Variants in RNF150 observed in about 807,000 individuals in gnomAD.
The protein encoded by RNF150 is ring finger protein 150.
RNF150 carries 24 observed loss-of-function variants against 39.3 expected under a neutral mutation model. The ratio of observed to expected loss-of-function variants is 0.61; its 90% confidence interval spans 0.44 to 0.86. The LOEUF is 0.86. Ranked by LOEUF, RNF150 falls within the 40% of genes least tolerant of loss-of-function variation. RNF150 has a pLI of 0.00. For missense variants in RNF150, 502 were observed against 587.8 expected, an observed-to-expected ratio of 0.85 and a Z score of 1.51; for synonymous variants, 255 against 227.3, an observed-to-expected ratio of 1.12 and a Z score of -1.10.
chr4:140,918,757 C>G (rs1271791361), intron 5 of RNF150, among the ~76,000 whole-genome samples: 1 of 152,030 alleles, frequency 6.6e-6, no homozygotes, highest in East Asian at 1.9e-4. Context: ...GACCAATATC[C>G]TTGACGAAAA....
At chr4:141,114,555 G>A (rs1739487429) in intron 1 of RNF150, among the ~76,000 whole-genome samples, 1 of 152,142 alleles carries the variant, frequency 6.6e-6, no homozygotes, top group African/African-American at 2.4e-5. Flanking sequence ...CGGATTCACA[G>A]CCAAATTCAC....
At chr4:141,082,450 A>G (rs1159300040) in intron 1 of RNF150, among the ~76,000 whole-genome samples, 1 of 152,194 alleles carries the variant, frequency 6.6e-6, no homozygotes, top group Admixed American at 6.5e-5. Flanking sequence ...TCTGGTCTTC[A>G]TTTCCTGAGA....
intron 1 of RNF150, among the ~76,000 whole-genome samples, chr4:140,973,175 T>C (rs1027648242): frequency 2.0e-5 from 3 of 152,168 alleles, no homozygotes; most frequent in African/African-American, 7.2e-5. Context: ...CTTAAATATA[T>C]ACAATTTAAT....
At chr4:140,913,507 T>C (rs1730698656) in intron 5 of RNF150, among the ~76,000 whole-genome samples, 1 of 152,162 alleles carries the variant, frequency 6.6e-6, no homozygotes, top group Admixed American at 6.5e-5. Flanking sequence ...CTTTTTCCTA[T>C]CTCAAGGTCT....
intron 1 of RNF150, among the ~76,000 whole-genome samples, chr4:141,167,862 C>G (rs1170191022): frequency 6.6e-6 from 1 of 152,132 alleles, no homozygotes; most frequent in Non-Finnish European, 1.5e-5. Flanking sequence ...CTAGGAAATA[C>G]CATTCAGGAC....
chr4:141,032,257 G>A (rs1404148350), intron 1 of RNF150, among the ~76,000 whole-genome samples: 2 of 152,076 alleles, frequency 1.3e-5, no homozygotes, highest in Admixed American at 6.6e-5. Flanking sequence ...GCAGAGAGTC[G>A]AATGATGGTG....
intron 1 of RNF150, among the ~76,000 whole-genome samples, chr4:141,115,994 A>T (rs902016927): frequency 6.6e-6 from 1 of 152,234 alleles, no homozygotes; most frequent in South Asian, 2.1e-4. Context: ...AATTAACTCA[A>T]GATGGATTAC....
At chr4:141,193,846 C>G (rs1380594307) in intron 1 of RNF150, among the ~76,000 whole-genome samples, 1 of 152,184 alleles carries the variant, frequency 6.6e-6, no homozygotes, top group Non-Finnish European at 1.5e-5. Flanking sequence ...TGGATAAGCA[C>G]AAGCTGGCTA....
intron 1 of RNF150, among the ~76,000 whole-genome samples, chr4:141,193,826 T>C (rs1728155339): frequency 6.6e-6 from 1 of 152,150 alleles, no homozygotes; most frequent in African/African-American, 2.4e-5. Flanking sequence ...GTCAGTGAAT[T>C]CTCTATTTAT....
chr4:140,949,343 G>A lies in RNF150; in HGVS notation c.765C>T (p.Ala255=), dbSNP rs750844900. 3 of 1,612,982 alleles carry A rather than the reference G, an allele frequency of 1.9e-6. No individual in the cohort carries two copies. Among genetic ancestry groups the A allele is most frequent in the South Asian group, 2.2e-5 (2 of 90,752 alleles). The change falls in exon 3 of 7, where the codon GCC becomes GCT. Residue 255 remains alanine (A), a synonymous_variant. Transcript: ENST00000515673. ...TGGTCCTGATCTGGAGTTTGCTGAT[G>A]GCTTTCTTTGCTGCATCCCCCAGTC... ...QRRLGDAAKK[A]ISKLQIRTIK...
intron 1 of RNF150, among the ~76,000 whole-genome samples, chr4:141,020,594 C>G (rs1386181152): frequency 1.3e-5 from 2 of 152,060 alleles, no homozygotes; most frequent in Non-Finnish European, 2.9e-5. Context: ...CCTAGAGGAC[C>G]TAAAAAAAGG....
chr4:140,916,285 TA>T (rs1288952061), intron 5 of RNF150, among the ~76,000 whole-genome samples: 1 of 152,138 alleles, frequency 6.6e-6, no homozygotes, highest in Non-Finnish European at 1.5e-5. Context: ...GCAAAGAAGT[TA>T]AAAACTTTGA....
chr4:140,987,158 G>A (rs1176879582), intron 1 of RNF150, among the ~76,000 whole-genome samples: 3 of 152,018 alleles, frequency 2.0e-5, no homozygotes, highest in Admixed American at 1.3e-4. Context: ...ACATGAATTG[G>A]AAGAATTAAT....
In RNF150 at chr4:140,860,774, T is replaced by C. The variant is rs1728455827; in HGVS notation, c.*7487A>G. The C allele has an allele frequency of 6.6e-6, 1 of 152,198 alleles. No homozygotes were observed. The highest frequency in any genetic ancestry group is 2.4e-5 in the African/African-American group (1 of 41,444). 9.4% of individuals were successfully genotyped at this position (152,198 alleles called of 1,614,324 possible). A position where few individuals can be genotyped will look rare whatever the true frequency, so the allele number is the denominator to read the frequency against. On this transcript the variant is annotated 3_prime_UTR_variant, in exon 7 of 7. Coordinates refer to ENST00000515673, the MANE Select transcript of RNF150 (RefSeq NM_020724.2). ...TTTTCTAGTGGGAAATAATATGCTG[T>C]ACAAAGTGGTTAAAATAAGTTATTT...
intron 4 of RNF150, among the ~76,000 whole-genome samples, chr4:140,945,401 T>C (rs573894710): frequency 7.6e-4 from 116 of 151,900 alleles, no homozygotes; most frequent in Admixed American, 9.9e-4. Flanking sequence ...GTCATAAAAA[T>C]TGAACTCAGC....
At chr4:141,137,460 G>T (rs987378873), upstream of RNF150, among the ~76,000 whole-genome samples, 3 of 152,220 alleles carry the variant, frequency 2.0e-5, no homozygotes, top group Non-Finnish European at 4.4e-5. Context: ...ATTCTCTGAT[G>T]CATTTGACAT....
At chr4:140,883,084 T>C (rs946117275) in intron 6 of RNF150, among the ~76,000 whole-genome samples, 1 of 152,146 alleles carries the variant, frequency 6.6e-6, no homozygotes, top group African/African-American at 2.4e-5. Context: ...TCTTTGTGGT[T>C]ACTATAGAGA....
At chr4:141,077,749 A>G (rs1737947861) in intron 1 of RNF150, among the ~76,000 whole-genome samples, 1 of 152,188 alleles carries the variant, frequency 6.6e-6, no homozygotes, top group South Asian at 2.1e-4. Context: ...TCTGACTACA[A>G]ACAAATCAGG....
intron 2 of RNF150, among the ~76,000 whole-genome samples, chr4:140,950,551 A>T (rs1348154674): frequency 6.6e-6 from 1 of 152,216 alleles, no homozygotes; most frequent in Non-Finnish European, 1.5e-5. Context: ...GTTTGACTTT[A>T]AAATCAAAGC....
Sources: allele counts gnomAD v4.1 joint callset (sites outside exome capture counted in the v4.1 genomes callset), GRCh38; gene constraint gnomAD v4.1.1; transcripts MANE v1.5; gene names NCBI Gene and HGNC (gene_info 2026-07-23, HGNC 2026-07-21).